Variants in KLHL1 observed in about 807,000 individuals in gnomAD.
The protein encoded by KLHL1 is kelch-like protein 1.
A neutral mutation model predicts 77.7 loss-of-function variants in KLHL1; 47 were observed. The observed-to-expected ratio is 0.60, with a 90% CI of 0.48 to 0.77. The LOEUF (loss-of-function observed/expected upper bound fraction) is 0.77, where lower values mean the gene tolerates loss of function less well. KLHL1 is among the 30% of genes least tolerant of loss of function. The probability of loss-of-function intolerance (pLI) is 0.00; values close to 1 mark genes in which losing one functional copy is unlikely to be tolerated. For synonymous variants in KLHL1, 360 were observed against 325.2 expected (o/e 1.11, Z -1.15); for missense variants, 925 against 910.8 (o/e 1.02, Z -0.20).
intron 8 of KLHL1, among the ~76,000 whole-genome samples, chr13:69,727,851 CT>C (rs1222986252): frequency 3.3e-3 from 474 of 142,834 alleles, no homozygotes; most frequent in Middle Eastern, 7.3e-3. Flanking sequence ...CATCACTGCT[CT>C]TTTTTTTTTT....
chr13:70,045,877 G>C lies in KLHL1; in HGVS notation c.497+61326C>G, dbSNP rs1311991232. On this transcript the variant is annotated intron_variant, in intron 1 of 10. Transcript: ENST00000377844. ...ATTAACAGAGCACCTTCCTCTATCTGTTTTGTCAAAGCTTTTAATCACATT... is the reference window on the plus strand; with the variant it reads ...ATTAACAGAGCACCTTCCTCTATCTCTTTTGTCAAAGCTTTTAATCACATT... Among the ~76,000 whole-genome samples, 7 of 152,262 alleles carry C rather than the reference G, an allele frequency of 4.6e-5. 1 individual carries two copies. The highest frequency in any genetic ancestry group is 2.1e-4 in the South Asian group (1 of 4,830).
At chr13:69,789,532 A>G (rs1206361135) in intron 7 of KLHL1, among the ~76,000 whole-genome samples, 1 of 152,168 alleles carries the variant, frequency 6.6e-6, no homozygotes, top group African/African-American at 2.4e-5. Context: ...TGACATAAAC[A>G]GTATAAATGA....
chr13:69,943,568 G>A (rs550717473), intron 3 of KLHL1, among the ~76,000 whole-genome samples: 17 of 151,974 alleles, frequency 1.1e-4, no homozygotes, highest in Non-Finnish European at 2.1e-4. Flanking sequence ...TTTAAGGTTT[G>A]TGAAATACCA....
At chr13:70,057,269 A>C (rs1324208341) in intron 1 of KLHL1, among the ~76,000 whole-genome samples, 1 of 152,088 alleles carries the variant, frequency 6.6e-6, no homozygotes, top group African/African-American at 2.4e-5. Context: ...ATTAACAAGT[A>C]ATGAGATTGG....
chr13:69,949,686 A>T (rs529257448), intron 3 of KLHL1, among the ~76,000 whole-genome samples: 1 of 151,826 alleles, frequency 6.6e-6, no homozygotes, highest in South Asian at 2.1e-4. Context: ...TATGTGGGAA[A>T]TTTGTCTATT....
At chr13:69,913,076 T>C (rs182809295) in intron 4 of KLHL1, among the ~76,000 whole-genome samples, 1 of 152,158 alleles carries the variant, frequency 6.6e-6, no homozygotes, top group African/African-American at 2.4e-5. Flanking sequence ...AAACTGGAGT[T>C]CCAGGTGCTT....
chr13:69,834,912 G>T (rs575314645), intron 6 of KLHL1, among the ~76,000 whole-genome samples: 22 of 152,128 alleles, frequency 1.4e-4, no homozygotes, highest in Admixed American at 3.9e-4. Flanking sequence ...TTAATGAATG[G>T]TCATTTACAT....
intron 1 of KLHL1, among the ~76,000 whole-genome samples, chr13:70,057,071 C>G (rs530754377): frequency 6.6e-6 from 1 of 151,892 alleles, no homozygotes; most frequent in South Asian, 2.1e-4. Flanking sequence ...GTGAGAAAGA[C>G]TCAAATAAAT....
At chr13:70,067,316 C>T (rs1593716414) in intron 1 of KLHL1, among the ~76,000 whole-genome samples, 2 of 152,166 alleles carry the variant, frequency 1.3e-5, no homozygotes, top group East Asian at 3.8e-4. Flanking sequence ...ATTTTCACAA[C>T]ACCCTGTGAG....
chr13:69,703,454 A>G (rs1875491157), intron 10 of KLHL1, among the ~76,000 whole-genome samples: 1 of 151,568 alleles, frequency 6.6e-6, no homozygotes. Flanking sequence ...AAAAGTAAAA[A>G]AAAAAATTAC....
chr13:69,754,400 T>A (rs1874618168), intron 7 of KLHL1, among the ~76,000 whole-genome samples: 1 of 152,212 alleles, frequency 6.6e-6, no homozygotes, highest in Admixed American at 6.5e-5. Flanking sequence ...GGACATATCC[T>A]TTTTGTATAT....
chr13:70,068,327 C>T (rs188846473), intron 1 of KLHL1, among the ~76,000 whole-genome samples: 190 of 149,778 alleles, frequency 1.3e-3, no homozygotes, highest in Admixed American at 3.5e-3. Flanking sequence ...GGCGACAGAG[C>T]GAGACTCCGT....
rs201690127 is a variant in KLHL1, at chr13:69,956,157, T to C, written c.817+5151A>G. 3.1e-4 allele frequency among the ~76,000 whole-genome samples: 43 copies of C among 140,384 alleles called. No individual in the cohort carries two copies. The East Asian group carries it at 8.5e-3, about 28-fold the overall frequency. 92.1% of individuals were successfully genotyped at this position (140,384 alleles called of 152,430 possible). Reference sequence around the variant, plus strand: ...TATATGATATATATATTTATATATATTTGATATATATATTTATTATATATC... The same window carrying C: ...TATATGATATATATATTTATATATACTTGATATATATATTTATTATATATC... On this transcript the variant is annotated intron_variant, in intron 3 of 10. Transcript: ENST00000377844.
At chr13:69,741,585 G>T (rs771149852) in intron 7 of KLHL1, among the ~76,000 whole-genome samples, 18 of 152,070 alleles carry the variant, frequency 1.2e-4, no homozygotes, top group Admixed American at 4.6e-4. Context: ...TTCCCATAGG[G>T]TGATCCAAAG....
At chr13:69,747,087 C>G (rs560861812) in intron 7 of KLHL1, among the ~76,000 whole-genome samples, 19 of 152,178 alleles carry the variant, frequency 1.2e-4, no homozygotes, top group African/African-American at 4.6e-4. Flanking sequence ...TCTTTGTACT[C>G]TTTCCATCTC....
intron 6 of KLHL1, among the ~76,000 whole-genome samples, chr13:69,823,084 G>A (rs17085441): frequency 0.081 from 12,339 of 152,142 alleles, 945 homozygotes; most frequent in African/African-American, 0.2. Flanking sequence ...GATGGATAGA[G>A]GTTTAAGTGT....
intron 1 of KLHL1, among the ~76,000 whole-genome samples, chr13:69,983,897 C>T (rs954845760): frequency 5.3e-5 from 5 of 94,794 alleles, no homozygotes; most frequent in Non-Finnish European, 8.5e-5. Context: ...TATGCATTTA[C>T]GGCTGATTTT....
chr13:69,790,786 A>G (rs1448274090), intron 7 of KLHL1, among the ~76,000 whole-genome samples: 1 of 152,150 alleles, frequency 6.6e-6, no homozygotes, highest in African/African-American at 2.4e-5. Flanking sequence ...AAGGTGGCTC[A>G]CGCTTGTAAT....
chr13:69,974,115 C>G (rs1884474575), intron 2 of KLHL1, among the ~76,000 whole-genome samples: 1 of 151,826 alleles, frequency 6.6e-6, no homozygotes, highest in Non-Finnish European at 1.5e-5. Flanking sequence ...TAGTAATGTA[C>G]TTAAGTTTAT....
Sources: allele counts gnomAD v4.1 joint callset (sites outside exome capture counted in the v4.1 genomes callset), GRCh38; gene constraint gnomAD v4.1.1; transcripts MANE v1.5; gene names NCBI Gene and HGNC (gene_info 2026-07-23, HGNC 2026-07-21).